The following SPATA6L variants were observed in gnomAD, a reference collection of about 807,000 sequenced individuals.
The protein encoded by SPATA6L is spermatogenesis associated 6 like.
In SPATA6L, 68 loss-of-function variants were observed where a neutral mutation model predicts 49.2. The ratio of observed to expected loss-of-function variants is 1.38; its 90% confidence interval spans 1.14 to 1.69. SPATA6L has a LOEUF of 1.69. Among genes scored for constraint, SPATA6L ranks in the 40% most tolerant of loss-of-function variants. The pLI is 0.00. For missense variants in SPATA6L, 668 were observed against 464.3 expected (o/e 1.44, Z -4.03); for synonymous variants, 198 against 165.7 (o/e 1.19, Z -1.50).
chr9:4,657,353 TCC>T (rs1233036453), intron 2 of SPATA6L, among the ~76,000 whole-genome samples: 1 of 151,988 alleles, frequency 6.6e-6, no homozygotes, highest in African/African-American at 2.4e-5. Flanking sequence ...TTGAATTGTG[TCC>T]CCCCAAAAAT....
chr9:4,612,435 C>T (rs1173538488), intron 9 of SPATA6L, among the ~76,000 whole-genome samples: 1 of 152,188 alleles, frequency 6.6e-6, no homozygotes, highest in African/African-American at 2.4e-5. Flanking sequence ...ACTGTTCTCT[C>T]TTCTACCTCC....
intron 3 of SPATA6L, among the ~76,000 whole-genome samples, chr9:4,641,535 G>T (rs1391754498): frequency 1.3e-5 from 2 of 152,114 alleles, no homozygotes; most frequent in Non-Finnish European, 2.9e-5. Flanking sequence ...TTGTTATGCT[G>T]TATTGTTAAG....
At chr9:4,649,462 A>G (rs1343084631) in intron 3 of SPATA6L, among the ~76,000 whole-genome samples, 3 of 152,220 alleles carry the variant, frequency 2.0e-5, no homozygotes, top group Non-Finnish European at 4.4e-5. Flanking sequence ...TCATAACTCT[A>G]TGAGTCCAAT....
rs1395317458 is a variant in SPATA6L at position 4,622,419 on chromosome 9, G to A, written c.761C>T (p.Pro254Leu). Residue 254 changes from proline (P) to leucine (L), a missense_variant, in exon 7 of 12, where the codon CCA becomes CTA. By Grantham distance (98) the Pro-to-Leu change is moderately conservative (BLOSUM62 -3). Transcript: ENST00000682582. ...AGAAACTCGAGTACCTCTTCTCGTT[G>A]GAAACGGAAAGTCTGAAAACTTAGA... is the stretch of plus-strand genomic sequence containing the variant. ...RKSKFSDFPF[P>L]TRRASSLDSL... The A allele has an allele frequency of 3.1e-6, 5 of 1,609,370 alleles. No homozygotes were observed. Among genetic ancestry groups the A allele is most frequent in the Non-Finnish European group, 4.3e-6 (5 of 1,175,956 alleles).
chr9:4,634,590 G>T (rs1434177446), intron 4 of SPATA6L, among the ~76,000 whole-genome samples: 1 of 152,144 alleles, frequency 6.6e-6, no homozygotes, highest in Non-Finnish European at 1.5e-5. Context: ...GGGGCAATAC[G>T]AGAAACGCTG....
chr9:4,623,467 T>G (rs910712777), intron 6 of SPATA6L, among the ~76,000 whole-genome samples: 1 of 152,144 alleles, frequency 6.6e-6, no homozygotes, highest in Non-Finnish European at 1.5e-5. Flanking sequence ...TTTTTTACTT[T>G]CTGTTTTTTA....
intron 13 of SPATA6L, among the ~76,000 whole-genome samples, chr9:4,589,628 G>C (rs1035213396): frequency 6.6e-6 from 1 of 152,228 alleles, no homozygotes; most frequent in Non-Finnish European, 1.5e-5. Context: ...CTGAAACACA[G>C]AGAGGGGTTT....
chr9:4,618,043 T>C lies in SPATA6L; in HGVS notation c.875A>G (p.Gln292Arg). 6.2e-7 allele frequency: 1 copy of C among 1,614,104 alleles called. No homozygotes were observed. ...TTTACTGGATGAAGACTTTCCAAAC[T>C]GACTTGAATCTAAACATGATGATGA... is the stretch of plus-strand genomic sequence containing the variant. ...SDSSSCLDSS[Q>R]FGKSSSSKQG... Residue 292 changes from glutamine to arginine, a missense_variant, in exon 9 of 12, where the codon CAG becomes CGG. By Grantham distance (43) the Gln-to-Arg change is conservative (BLOSUM62 1). Transcript: ENST00000682582.
intron 13 of SPATA6L, among the ~76,000 whole-genome samples, chr9:4,592,758 G>T (rs1050591629): frequency 4.6e-5 from 7 of 152,258 alleles, no homozygotes; most frequent in Middle Eastern, 3.4e-3. Flanking sequence ...TAGCTCTTAC[G>T]TTGTGTTCTT....
intron 4 of SPATA6L, among the ~76,000 whole-genome samples, chr9:4,629,997 C>T (rs12343947): frequency 0.15 from 22,174 of 151,610 alleles, 2,656 homozygotes; most frequent in East Asian, 0.33. Flanking sequence ...GAATGACACA[C>T]ACAACTACAT....
intron 3 of SPATA6L, among the ~76,000 whole-genome samples, chr9:4,642,531 A>G (rs1246593550): frequency 6.6e-6 from 1 of 152,204 alleles, no homozygotes; most frequent in Non-Finnish European, 1.5e-5. Flanking sequence ...ACCAAGAAGC[A>G]GAAGAAAGAA....
At chr9:4,606,761 T>TCTCCTCCTCCAAAGGAACGCAGC in intron 9 of SPATA6L, among the ~76,000 whole-genome samples, 1 of 147,434 alleles carries the variant, frequency 6.8e-6, no homozygotes. Flanking sequence ...AGGAATGCAG[T>TCTCCTCCTCCAAAGGAACGCAGC]TCCTCACCAG....
At chr9:4,663,401 T>C (rs1456413088) in intron 1 of SPATA6L, 2 of 920,448 alleles carry the variant, frequency 2.2e-6, no homozygotes, top group Non-Finnish European at 3.4e-6. Context: ...CCCATGATCT[T>C]GATGTGCTGC....
In SPATA6L at chr9:4,662,220, A is replaced by C. The variant is rs1452451683; in HGVS notation, c.40-184T>G. Reference sequence around the variant, plus strand: ...TGCTCTCCTCACATTGGAAATTCCAACTCCCTCCCACGTCTCCACCAGGTG... The same window carrying C: ...TGCTCTCCTCACATTGGAAATTCCACCTCCCTCCCACGTCTCCACCAGGTG... On this transcript the variant is annotated intron_variant, in intron 1 of 11. Transcript: ENST00000682582. This position sits in a 1 kb window ranked among gnomAD's most constrained non-coding sequence, Gnocchi z 4.9. The C allele has an allele frequency of 8.4e-6, 12 of 1,423,276 alleles. No homozygotes were observed. The Admixed American group carries it at 8.8e-5, about 10-fold the overall frequency. The allele number at this position is 1,423,276 out of a possible 1,614,324, so 88.2% of individuals were successfully genotyped here. A position where few individuals can be genotyped will look rare whatever the true frequency, so the allele number is the denominator to read the frequency against.
At chr9:4,665,250 A>G (rs1365078316) in intron 1 of SPATA6L, 1 of 164,908 alleles carries the variant, frequency 6.1e-6, no homozygotes, top group African/African-American at 2.4e-5. Context: ...ATTAACAAAT[A>G]ATGGTGAATG....
At chr9:4,660,668 A>G (rs1041231356) in intron 2 of SPATA6L, among the ~76,000 whole-genome samples, 10 of 152,250 alleles carry the variant, frequency 6.6e-5, no homozygotes, top group Non-Finnish European at 1.3e-4. Context: ...TGACCCAGCC[A>G]TCCCATTACT....
At chr9:4,632,425 G>T (rs758706249) in intron 4 of SPATA6L, among the ~76,000 whole-genome samples, 13 of 151,658 alleles carry the variant, frequency 8.6e-5, no homozygotes, top group Non-Finnish European at 1.8e-4. Flanking sequence ...AGGAAACCTC[G>T]TCTCTACTAA....
chr9:4,594,173 T>C (rs1302028373), downstream of SPATA6L, among the ~76,000 whole-genome samples: 1 of 152,194 alleles, frequency 6.6e-6, no homozygotes, highest in African/African-American at 2.4e-5. Flanking sequence ...CAATCTTTTC[T>C]GTAGTCTCTC....
intron 5 of SPATA6L, 136 bp downstream of exon 5, chr9:4,628,955 A>C (rs1276894594): frequency 1.1e-5 from 7 of 645,324 alleles, no homozygotes; most frequent in Non-Finnish European, 1.9e-5. Context: ...TAGAAATACA[A>C]ACCTAGTAAA....
Sources: gnomAD v4.1 joint callset for allele counts (sites outside exome capture counted in the v4.1 genomes callset) on GRCh38, gnomAD v4.1.1 for gene constraint, Gnocchi (gnomAD v3.1) non-coding constraint, MANE v1.5 for transcripts, NCBI Gene and HGNC (gene_info 2026-07-23, HGNC 2026-07-21) for gene names.